Variants in NELL2 observed in about 807,000 individuals in gnomAD.
NELL2 encodes the protein neural EGFL like 2, also known as protein kinase C-binding protein NELL2.
NELL2 carries 41 observed loss-of-function variants against 109.6 expected under a neutral mutation model. The observed-to-expected ratio is 0.37, with a 90% CI of 0.29 to 0.49. The LOEUF is 0.49. Among genes scored for constraint, NELL2 ranks in the 20% least tolerant of loss-of-function variants. The pLI, the probability that NELL2 is intolerant of heterozygous loss-of-function variation, is 0.98. For missense variants in NELL2, 900 were observed against 1,008.3 expected, an observed-to-expected ratio of 0.89 and a Z score of 1.45; for synonymous variants, 355 against 344.7, an observed-to-expected ratio of 1.03 and a Z score of -0.33.
At chr12:44,644,580 G>GTATATATATA (rs138161908) in intron 13 of NELL2, among the ~76,000 whole-genome samples, 1,028 of 83,698 alleles carry the variant, frequency 0.012, 6 homozygotes, top group East Asian at 0.028. Flanking sequence ...ACAAAGTAAA[G>GTATATATATA]TATATATATA....
intron 9 of NELL2, among the ~76,000 whole-genome samples, chr12:44,723,606 T>C (rs1397554929): frequency 6.6e-6 from 1 of 152,218 alleles, no homozygotes; most frequent in Non-Finnish European, 1.5e-5. Flanking sequence ...TTTCAATGTG[T>C]TACCTAGAAT....
At chr12:44,814,810 C>A (rs1276001220) in intron 3 of NELL2, among the ~76,000 whole-genome samples, 1 of 152,184 alleles carries the variant, frequency 6.6e-6, no homozygotes, top group African/African-American at 2.4e-5. Context: ...GATTTTCTTA[C>A]GTTTGCTCTT....
intron 12 of NELL2, among the ~76,000 whole-genome samples, chr12:44,682,909 T>C (rs1948575500): frequency 6.6e-6 from 1 of 152,198 alleles, no homozygotes; most frequent in Admixed American, 6.5e-5. Flanking sequence ...CAGGCTCTTT[T>C]TTGGTTCCAT....
intron 15 of NELL2, among the ~76,000 whole-genome samples, chr12:44,560,911 C>A (rs113385751): frequency 1.0e-3 from 156 of 152,312 alleles, no homozygotes; most frequent in African/African-American, 3.7e-3. Context: ...CCCCAGTGAA[C>A]CCGGATGCAA....
intron 3 of NELL2, among the ~76,000 whole-genome samples, chr12:44,812,150 G>A (rs1463923332): frequency 1.3e-5 from 2 of 152,188 alleles, no homozygotes; most frequent in Non-Finnish European, 2.9e-5. Context: ...ATGCAATGTG[G>A]TGTGAAGGAC....
upstream of NELL2, among the ~76,000 whole-genome samples, chr12:44,878,297 A>G (rs1945371967): frequency 6.6e-6 from 1 of 152,182 alleles, no homozygotes; most frequent in Non-Finnish European, 1.5e-5. Context: ...TAATTATTTG[A>G]CCTAATTAAA....
intron 9 of NELL2, among the ~76,000 whole-genome samples, chr12:44,762,221 A>G (rs1391280705): frequency 2.6e-5 from 4 of 152,088 alleles, no homozygotes; most frequent in Non-Finnish European, 5.9e-5. Context: ...CTTAAACATA[A>G]CATGTCTAAA....
At chr12:44,676,040 T>C (rs1390653777) in intron 12 of NELL2, among the ~76,000 whole-genome samples, 1 of 152,094 alleles carries the variant, frequency 6.6e-6, no homozygotes. Flanking sequence ...TTATATCCTG[T>C]AAAAAGATTA....
rs998211331 is a variant in NELL2, at chr12:44,875,255, G to A, written c.154C>T (p.His52Tyr). ...TTGVRQVPGL[H>Y]NGTKAFLFQD... ...AAGAGAAAGGCTTTCGTCCCATTAT[G>A]CAGCCCCGGGACCTGACGCACTCCG... The change falls in exon 2 of 20, where the codon CAT (histidine) becomes TAT (tyrosine). Residue 52 changes from histidine to tyrosine, a missense_variant. Coordinates refer to ENST00000429094, the MANE Select transcript of NELL2 (RefSeq NM_001145108.2). The A allele has an allele frequency of 5.6e-6, 9 of 1,613,896 alleles. No homozygotes were observed. The highest frequency in any genetic ancestry group is 7.6e-6 in the Non-Finnish European group (9 of 1,179,976).
At chr12:44,680,909 T>C (rs2136369761) in intron 12 of NELL2, among the ~76,000 whole-genome samples, 1 of 152,306 alleles carries the variant, frequency 6.6e-6, no homozygotes, top group East Asian at 1.9e-4. Context: ...TTTGACAATG[T>C]CATTTCATTG....
chr12:44,856,602 C>G (rs917850198), intron 2 of NELL2, among the ~76,000 whole-genome samples: 1 of 152,040 alleles, frequency 6.6e-6, no homozygotes, highest in Admixed American at 6.6e-5. Flanking sequence ...CGGTGGACAG[C>G]CAGTGCAAAA....
intron 9 of NELL2, among the ~76,000 whole-genome samples, chr12:44,733,549 G>A (rs994128966): frequency 9.2e-5 from 14 of 151,800 alleles, no homozygotes; most frequent in African/African-American, 2.9e-4. Context: ...GTTTCCAGGC[G>A]CTAGGAGGAG....
At chr12:44,810,467 T>G (rs1182868347) in intron 3 of NELL2, among the ~76,000 whole-genome samples, 1 of 152,128 alleles carries the variant, frequency 6.6e-6, no homozygotes, top group Non-Finnish European at 1.5e-5. Context: ...TCTAAGCTAT[T>G]GGTTCATCTG....
At chr12:44,852,431 T>G (rs1339843073) in intron 2 of NELL2, among the ~76,000 whole-genome samples, 17 of 152,196 alleles carry the variant, frequency 1.1e-4, no homozygotes. Context: ...CTCTATTCTG[T>G]GTTTTTCCCC....
Position 44,520,187 on chromosome 12 carries a change from C to T in NELL2, c.2218G>A (p.Glu740Lys). Residue 740 changes from glutamate to lysine, a missense_variant, in exon 19 of 20, where the codon GAG becomes AAG. Physicochemically the swap from Glu to Lys is moderately conservative, Grantham distance 56 (BLOSUM62 1). This residue lies in a region of NELL2 where 333 missense variants were observed against 432.3 expected (regional missense o/e 0.77). Coordinates refer to ENST00000429094, the MANE Select transcript of NELL2 (RefSeq NM_001145108.2). ...DCWPLPCPDV[E>K]CEFSILPENE... is the part of the protein sequence containing the mutation. ...TCTGGGAGAATGCTGAATTCACACT[C>T]CACATCTGGGCAAGGCAGGGGCCAA... The T allele has an allele frequency of 6.2e-7, 1 of 1,613,694 alleles. No homozygotes were observed. The highest frequency in any genetic ancestry group is 8.5e-7 in the Non-Finnish European group (1 of 1,179,906).
At chr12:44,719,322 AGATG>A (rs1195222677) in intron 9 of NELL2, among the ~76,000 whole-genome samples, 3 of 152,216 alleles carry the variant, frequency 2.0e-5, no homozygotes, top group Non-Finnish European at 4.4e-5. Context: ...ATTAATGCAG[AGATG>A]GCAACTGCAG....
chr12:44,822,689 T>C (rs1245864088), intron 2 of NELL2, among the ~76,000 whole-genome samples: 1 of 152,202 alleles, frequency 6.6e-6, no homozygotes, highest in African/African-American at 2.4e-5. Context: ...GTAAAATGTA[T>C]TTCAATGTTT....
chr12:44,718,829 T>C (rs1270704204), intron 9 of NELL2, among the ~76,000 whole-genome samples: 1 of 152,294 alleles, frequency 6.6e-6, no homozygotes, highest in Admixed American at 6.5e-5. Flanking sequence ...CAATGTGAAA[T>C]GCATATTTAC....
At chr12:44,586,304 A>G (rs919777471) in intron 15 of NELL2, among the ~76,000 whole-genome samples, 1 of 149,684 alleles carries the variant, frequency 6.7e-6, no homozygotes, top group African/African-American at 2.4e-5. Flanking sequence ...ATAGATATAT[A>G]CACACACACA....
Sources: allele counts gnomAD v4.1 joint callset (sites outside exome capture counted in the v4.1 genomes callset), GRCh38; gene constraint gnomAD v4.1.1; regional missense constraint gnomAD v4.1.1; transcripts MANE v1.5; gene names NCBI Gene and HGNC (gene_info 2026-07-23, HGNC 2026-07-21).